DMXL1: variants seen among roughly 807,000 people sequenced by gnomAD.
DMXL1 encodes the protein Dmx like 1, also known as dmX-like protein 1.
In DMXL1, 99 loss-of-function variants were observed where a neutral mutation model predicts 319.2. The ratio of observed to expected loss-of-function variants is 0.31; its 90% CI spans 0.26 to 0.37. The LOEUF (loss-of-function observed/expected upper bound fraction) is 0.37. Among genes scored for constraint, DMXL1 ranks in the 10% least tolerant of loss-of-function variants. DMXL1 has a pLI of 1.00. For missense variants in DMXL1, 3,745 were observed against 3,595.6 expected (o/e 1.04, Z -1.06); for synonymous variants, 1,385 against 1,235.2 (o/e 1.12, Z -2.54).
At chr5:119,175,035 T>G (rs1197435473) in intron 25 of DMXL1, among the ~76,000 whole-genome samples, 3 of 152,190 alleles carry the variant, frequency 2.0e-5, no homozygotes, top group African/African-American at 2.4e-5. Flanking sequence ...AGCAAATGTG[T>G]GTTTTATAAT....
chr5:119,101,384 GACTC>G (rs1313914957), intron 2 of DMXL1, among the ~76,000 whole-genome samples: 1 of 151,678 alleles, frequency 6.6e-6, no homozygotes, highest in African/African-American at 2.4e-5. Context: ...CTTTATATGA[GACTC>G]ACTCAAGTTA....
At position 119,134,183 on chromosome 5, in the gene DMXL1, G is replaced by A; in HGVS notation, c.2254+5G>A. 2 of 1,609,714 alleles carry A rather than the reference G, an allele frequency of 1.2e-6. No individual in the cohort carries two copies. The highest frequency in any genetic ancestry group is 1.7e-6 in the Non-Finnish European group (2 of 1,178,328). Reference sequence around the variant, plus strand: ...TTATACCCAGTTATTGTCTGGGTAAGTATTCTGGTTTTTATTACAGTAATT... The same window carrying A: ...TTATACCCAGTTATTGTCTGGGTAAATATTCTGGTTTTTATTACAGTAATT... On this transcript the variant is annotated splice_donor_5th_base_variant and intron_variant, in intron 12 of 43. Transcript: ENST00000539542.
At chr5:119,138,138 A>C (rs1766445092) in intron 13 of DMXL1, among the ~76,000 whole-genome samples, 1 of 152,190 alleles carries the variant, frequency 6.6e-6, no homozygotes, top group Admixed American at 6.5e-5. Flanking sequence ...GAGAGGGAAA[A>C]AAGGAGCTTA....
At chr5:119,144,503 G>A (rs1267405453) in intron 14 of DMXL1, 33 bp from the exon 15 acceptor site, 2 of 1,429,522 alleles carry the variant, frequency 1.4e-6, no homozygotes, top group Admixed American at 2.0e-5. Flanking sequence ...ATAACACATA[G>A]GTCAACTTAC....
intron 1 of DMXL1, among the ~76,000 whole-genome samples, chr5:119,077,754 A>AGTGTTT (rs376449707): frequency 0.031 from 3,841 of 125,324 alleles, 90 homozygotes; most frequent in Non-Finnish European, 0.041. Flanking sequence ...TTATTTTTTA[A>AGTGTTT]GTGTGTGTGT....
At chr5:119,202,126 G>A (rs903045695) in intron 32 of DMXL1, among the ~76,000 whole-genome samples, 162 of 152,122 alleles carry the variant, frequency 1.1e-3, no homozygotes, top group African/African-American at 3.6e-3. Flanking sequence ...GGGTTTATTT[G>A]TTCTTGCTTC....
At chr5:119,109,533 C>T (rs544944396) in intron 4 of DMXL1, among the ~76,000 whole-genome samples, 16 of 152,242 alleles carry the variant, frequency 1.1e-4, no homozygotes, top group Admixed American at 2.6e-4. Flanking sequence ...GCATTTTTTC[C>T]GTAGTAATTT....
chr5:119,233,247 T>G, intron 38 of DMXL1, 93 bp from the exon 39 acceptor site: 1 of 1,296,994 alleles, frequency 7.7e-7, no homozygotes, highest in Non-Finnish European at 1.1e-6. Flanking sequence ...ATTTAGATGT[T>G]TCTTTCATAA....
chr5:119,110,574 A>G (rs561178301), intron 5 of DMXL1, among the ~76,000 whole-genome samples: 135 of 152,348 alleles, frequency 8.9e-4, no homozygotes, highest in African/African-American at 3.0e-3. Flanking sequence ...ATGCTTTTGA[A>G]TGGAAGACTT....
intron 34 of DMXL1, among the ~76,000 whole-genome samples, chr5:119,215,591 C>A (rs1225469499): frequency 6.6e-6 from 1 of 152,130 alleles, no homozygotes; most frequent in Non-Finnish European, 1.5e-5. Context: ...CTCAGCCTCT[C>A]AAAGTGCTGG....
intron 42 of DMXL1, 26 bp from the exon 43 acceptor site, chr5:119,244,333 T>G: frequency 6.4e-7 from 1 of 1,567,556 alleles, no homozygotes; most frequent in Non-Finnish European, 8.7e-7. Context: ...TTAAGTGTTT[T>G]TGTTTTTTTT....
intron 18 of DMXL1, among the ~76,000 whole-genome samples, chr5:119,151,132 GT>G (rs1271955658): frequency 6.6e-6 from 1 of 151,490 alleles, no homozygotes; most frequent in Non-Finnish European, 1.5e-5. Flanking sequence ...TTATAATTTG[GT>G]TTTTAAAACA....
At chr5:119,162,399 A>G (rs936302368) in intron 19 of DMXL1, among the ~76,000 whole-genome samples, 1 of 152,178 alleles carries the variant, frequency 6.6e-6, no homozygotes, top group East Asian at 1.9e-4. Context: ...GTTATTTTTC[A>G]TATTTCTGCA....
rs140333307 is a variant in DMXL1, at chr5:119,216,351, A to C, written c.7927-550A>C. ...ACTAAAATGATTACTCACTTGGGCAAGTTACATTGCCTTTCAGAATTTCAG... is the reference window on the plus strand; with the variant it reads ...ACTAAAATGATTACTCACTTGGGCACGTTACATTGCCTTTCAGAATTTCAG... On this transcript the variant is annotated intron_variant, in intron 34 of 43. Transcript: ENST00000539542. Among the ~76,000 whole-genome samples, 817 of 152,216 alleles carry C rather than the reference A, an allele frequency of 5.4e-3. 2 individuals are homozygous for C. The highest frequency in any genetic ancestry group is 0.01 in the Middle Eastern group (3 of 294).
chr5:119,120,398 C>G (rs1408199570), intron 8 of DMXL1, among the ~76,000 whole-genome samples: 1 of 152,166 alleles, frequency 6.6e-6, no homozygotes, highest in African/African-American at 2.4e-5. Flanking sequence ...CTTGTTCTAC[C>G]TTTTGCCCTG....
rs548178441 is a variant in DMXL1, at chr5:119,076,863, CAT to C, written c.87+5208_87+5209del. Among the ~76,000 whole-genome samples, 29 of 152,314 alleles carry C rather than the reference CAT, an allele frequency of 1.9e-4. No homozygotes were observed. The East Asian group carries it at 5.4e-3, about 28-fold the overall frequency. Reference sequence around the variant, plus strand: ...TTTTGATTATATGCTTGATAGCACACATGTGACTCAATTCTTCCTGTGCATCG... The same window carrying C: ...TTTTGATTATATGCTTGATAGCACACGTGACTCAATTCTTCCTGTGCATCG... On this transcript the variant is annotated intron_variant, in intron 1 of 43. Coordinates refer to ENST00000539542, the MANE Select transcript of DMXL1 (RefSeq NM_001290321.3).
In DMXL1 at chr5:119,166,728, G is replaced by C; in HGVS notation, c.5083G>C (p.Glu1695Gln). The C allele has an allele frequency of 6.2e-7, 1 of 1,612,824 alleles. No individual in the cohort carries two copies. Among genetic ancestry groups the C allele is most frequent in the Non-Finnish European group, 8.5e-7 (1 of 1,179,520 alleles). ...AFSLLGKQRF[E>Q]HSAAFFLLAG... Reference sequence around the variant, plus strand: ...TTCTTTGCTAGGCAAACAAAGATTTGAACATTCTGCAGCATTTTTTCTTTT... The same window carrying C: ...TTCTTTGCTAGGCAAACAAAGATTTCAACATTCTGCAGCATTTTTTCTTTT... Residue 1695 changes from glutamate (E) to glutamine (Q), a missense_variant, in exon 22 of 44, where the codon GAA (glutamate) becomes CAA (glutamine). Transcript: ENST00000539542.
chr5:119,087,106 G>T (rs926211428), intron 1 of DMXL1, among the ~76,000 whole-genome samples: 7 of 151,084 alleles, frequency 4.6e-5, no homozygotes, highest in Admixed American at 4.6e-4. Context: ...CAGTTTTGTT[G>T]ATTGTAACTT....
chr5:119,178,632 T>A, intron 28 of DMXL1: 1 of 985,432 alleles, frequency 1.0e-6, no homozygotes, highest in Non-Finnish European at 1.2e-6. Context: ...ATGGAATGTG[T>A]GGGCTTTTCC....
Sources: gnomAD v4.1 joint callset for allele counts (sites outside exome capture counted in the v4.1 genomes callset) on GRCh38, gnomAD v4.1.1 for gene constraint, MANE v1.5 for transcripts, NCBI Gene and HGNC (gene_info 2026-07-23, HGNC 2026-07-21) for gene names.